The following ZBTB17 variants were observed in gnomAD, a reference collection of about 807,000 sequenced individuals.
ZBTB17 encodes the protein zinc finger and BTB domain containing 17.
In ZBTB17, 24 loss-of-function variants were observed where a neutral mutation model predicts 85.1. The observed-to-expected ratio is 0.28, with a 90% confidence interval of 0.20 to 0.40. The LOEUF is 0.40. Ranked by LOEUF, ZBTB17 falls within the 10% of genes least tolerant of loss-of-function variation. The pLI, the probability that ZBTB17 is intolerant of heterozygous loss-of-function variation, is 1.00. For missense variants in ZBTB17, 743 were observed against 1,105.1 expected, an observed-to-expected ratio of 0.67 and a Z score of 4.65; for synonymous variants, 464 against 460.2, an observed-to-expected ratio of 1.01 and a Z score of -0.11.
chr1:15,943,248 G>A, intron 12 of ZBTB17, 54 bp from the exon 13 acceptor site: 1 of 1,613,262 alleles, frequency 6.2e-7, no homozygotes, highest in Non-Finnish European at 8.5e-7. Context: ...TGGGCCTCCT[G>A]CCTCACCCTC....
rs1009970337 is a variant in ZBTB17, at chr1:15,944,267, G to T, written c.1371+33C>A. The T allele has an allele frequency of 3.2e-5, 49 of 1,548,088 alleles. No individual in the cohort carries two copies. In the Middle Eastern group the frequency reaches 6.7e-4, roughly 21 times the overall value. ...CATGCGGCTGCGGCCACCGGCGGCT[G>T]CCAGGCGCTGGTTCCGGGAGGGGTC... On this transcript the variant is annotated intron_variant, in intron 9 of 15. Transcript: ENST00000375743.
In ZBTB17 at chr1:15,943,415, C is replaced by G. The variant is rs765513421; in HGVS notation, c.1681G>C (p.Glu561Gln). 6.2e-7 allele frequency: 1 copy of G among 1,602,740 alleles called. No individual in the cohort carries two copies. The highest frequency in any genetic ancestry group is 2.2e-5 in the East Asian group (1 of 44,732). ...QHTGEKPYVC[E>Q]RCGKRFVQSS... ...GGGCAGGACCTCTTGCCGCAGCGCT[C>G]GCAGACGTAGGGCTTCTCCCCGGTG... Residue 561 changes from glutamate (E) to glutamine (Q), a missense_variant, in exon 12 of 16, where the codon GAG becomes CAG. Physicochemically the swap from Glu to Gln is conservative, Grantham distance 29. Transcript: ENST00000375743.
At chr1:15,958,366 G>T (rs1403777336) in intron 2 of ZBTB17, among the ~76,000 whole-genome samples, 1 of 145,742 alleles carries the variant, frequency 6.9e-6, no homozygotes, top group Non-Finnish European at 1.5e-5. Flanking sequence ...AAAGCCTTGG[G>T]AAGGCGGCTG....
In ZBTB17 at chr1:15,976,099, C is replaced by A; in HGVS notation, c.-206G>T. The A allele has an allele frequency of 1.5e-6, 1 of 673,662 alleles. No homozygotes were observed. Among genetic ancestry groups the A allele is most frequent in the Non-Finnish European group, 2.7e-6 (1 of 368,916 alleles). The allele number at this position is 673,662 out of a possible 1,614,324, so 41.7% of individuals were successfully genotyped here. A position where few individuals can be genotyped will look rare whatever the true frequency, so the allele number is the denominator to read the frequency against. On this transcript the variant is annotated 5_prime_UTR_variant, in exon 1 of 16. It adds an upstream start codon to the 5' untranslated region. Transcript: ENST00000375743. ...CATGTTAGAGTCGGGCGGAACCGAC[C>A]TCGCAGGCTTCCCGGCTGCAACTTC...
chr1:15,945,329 G>C, intron 6 of ZBTB17, 127 bp from the exon 7 acceptor site: 3 of 1,447,830 alleles, frequency 2.1e-6, no homozygotes. Flanking sequence ...CCCCGGGGGG[G>C]CCTGTGAACT....
At chr1:15,946,855 C>T in intron 4 of ZBTB17, 80 bp downstream of exon 4, 1 of 1,490,036 alleles carries the variant, frequency 6.7e-7, no homozygotes, top group Non-Finnish European at 9.0e-7. Context: ...GAAACTGAGA[C>T]CCAGAAAGTC....
intron 2 of ZBTB17, among the ~76,000 whole-genome samples, chr1:15,960,063 CCT>C (rs1479230511): frequency 1.3e-5 from 2 of 152,244 alleles, no homozygotes; most frequent in Non-Finnish European, 2.9e-5. Flanking sequence ...GAGGAAGCCC[CCT>C]GACACTGCGA....
intron 2 of ZBTB17, 139 bp from the exon 3 acceptor site, chr1:15,948,636 G>T: frequency 2.2e-6 from 2 of 911,704 alleles, no homozygotes; most frequent in Non-Finnish European, 1.6e-6. Flanking sequence ...CCACAAAAGG[G>T]CAGTTCAGTC....
In ZBTB17 at chr1:15,945,007, C is replaced by G; in HGVS notation, c.857G>C (p.Gly286Ala). 1 of 1,595,992 alleles carries G rather than the reference C, an allele frequency of 6.3e-7. No individual in the cohort carries two copies. Among genetic ancestry groups the G allele is most frequent in the Non-Finnish European group, 8.5e-7 (1 of 1,173,350 alleles). Residue 286 changes from glycine (G) to alanine (A), a missense_variant, in exon 7 of 16, where the codon GGC (glycine) becomes GCC (alanine). Transcript: ENST00000375743. ...SGQELGSEAR[G>A]LRSGTYGDRT... ...GTCGCCGTAGGTGCCTGAGCGCAGGCCCCGGGCCTCGGAGCCGAGCTCCTG... is the reference window on the plus strand; with the variant it reads ...GTCGCCGTAGGTGCCTGAGCGCAGGGCCCGGGCCTCGGAGCCGAGCTCCTG...
intron 1 of ZBTB17, 137 bp downstream of exon 1, chr1:15,975,846 G>A: frequency 1.0e-5 from 2 of 193,068 alleles, no homozygotes; most frequent in Non-Finnish European, 2.1e-5. Context: ...TGTCCCCTCA[G>A]CCCCGGTTGG....
Position 15,948,355 on chromosome 1 carries a change from C to T in ZBTB17, c.141G>A (p.Glu47=). The T allele has an allele frequency of 6.2e-7, 1 of 1,614,032 alleles. No homozygotes were observed. Among genetic ancestry groups the T allele is most frequent in the Non-Finnish European group, 8.5e-7 (1 of 1,180,048 alleles). ...AHKAVLAACS[E]YFKMLFVDQK... ...GGTCCACGAAGAGCATCTTGAAGTA[C>T]TCGCTGCAGGCCGCCAGCACTGCTT... The change falls in exon 3 of 16, where the codon GAG becomes GAA. Residue 47 remains glutamate (E), a synonymous_variant. Transcript: ENST00000375743.
chr1:15,968,707 T>C (rs961022557), intron 2 of ZBTB17, among the ~76,000 whole-genome samples: 4 of 152,164 alleles, frequency 2.6e-5, no homozygotes, highest in Non-Finnish European at 5.9e-5. Context: ...ATTAGAAAGC[T>C]TGGGGGAACT....
chr1:15,944,063 A>G (rs1409123760), intron 9 of ZBTB17, 168 bp from the exon 10 acceptor site: 3 of 962,368 alleles, frequency 3.1e-6, no homozygotes, highest in Non-Finnish European at 4.9e-6. Flanking sequence ...GTGAGAGGTA[A>G]GCCGCCCCAC....
chr1:15,960,497 T>C (rs773373909), intron 2 of ZBTB17, among the ~76,000 whole-genome samples: 1 of 152,144 alleles, frequency 6.6e-6, no homozygotes, highest in Non-Finnish European at 1.5e-5. Flanking sequence ...AAAAATCTCA[T>C]CAGTAATCAG....
chr1:15,944,567 C>T lies in ZBTB17; in HGVS notation c.1104G>A (p.Gly368=). ...GCAGGCTGATGAGGCGGTAGCTCTT[C>T]CCGCACTCCTCGCAGCCGTAGGGCT... ...PLKPYGCEEC[G]KSYRLISLLN... is the part of the protein sequence containing the mutation. The change falls in exon 9 of 16, where the codon GGG becomes GGA. Residue 368 remains glycine, a synonymous_variant. Coordinates refer to ENST00000375743, the MANE Select transcript of ZBTB17 (RefSeq NM_003443.3). 2 of 1,598,056 alleles carry T rather than the reference C, an allele frequency of 1.3e-6. No individual in the cohort carries two copies. The highest frequency in any genetic ancestry group is 1.7e-6 in the Non-Finnish European group (2 of 1,178,620).
rs933581448 is a variant in ZBTB17 at position 15,951,450 on chromosome 1, G to A, written c.-2-2953C>T. On this transcript the variant is annotated intron_variant, in intron 2 of 15. Transcript: ENST00000375743. The surrounding 1 kb of genome is among the most constrained non-coding windows in gnomAD (Gnocchi z 4.1). ...CAGCTCGAGGGGGCCAGGAGGGGGCGGACTAAGTGCTAAATGGTGTTACCC... is the reference window on the plus strand; with the variant it reads ...CAGCTCGAGGGGGCCAGGAGGGGGCAGACTAAGTGCTAAATGGTGTTACCC... Among the ~76,000 whole-genome samples, 13 of 152,120 alleles carry A rather than the reference G, an allele frequency of 8.5e-5. No individual in the cohort carries two copies. Among genetic ancestry groups the A allele is most frequent in the African/African-American group, 2.4e-4 (10 of 41,422 alleles).
chr1:15,941,987 A>G lies in ZBTB17; in HGVS notation c.2394T>C (p.Cys798=), dbSNP rs1570087632. ...CGCCAGCTCACTCGGCAGGCGGGGG[A>G]CATTCAGGAGCTGTAGGGGAGGTCT... The part of the protein sequence containing the change: ...LAETSPTAPE[C]PPPAE Residue 798 remains cysteine (C), a synonymous_variant, in exon 16 of 16, where the codon TGT becomes TGC. Coordinates refer to ENST00000375743, the MANE Select transcript of ZBTB17 (RefSeq NM_003443.3). The G allele has an allele frequency of 6.3e-7, 1 of 1,597,276 alleles. No individual in the cohort carries two copies. Among genetic ancestry groups the G allele is most frequent in the African/African-American group, 1.3e-5 (1 of 74,778 alleles).
In ZBTB17 at chr1:15,952,575, A is replaced by T. The variant is rs1310882380; in HGVS notation, c.-2-4078T>A. On this transcript the variant is annotated intron_variant, in intron 2 of 15. Transcript: ENST00000375743. The surrounding 1 kb of genome is among the most constrained non-coding windows in gnomAD (Gnocchi z 4.3). ...CTGTCGGAATCTGGATGGCCCAGAG[A>T]CGACTCTGACATCAGGATGCTGGGA... 6.6e-6 allele frequency among the ~76,000 whole-genome samples: 1 copy of T among 152,228 alleles called. No homozygotes were observed. Among genetic ancestry groups the T allele is most frequent in the Non-Finnish European group, 1.5e-5 (1 of 68,036 alleles).
intron 9 of ZBTB17, 183 bp downstream of exon 9, chr1:15,944,117 T>C (rs1483820933): frequency 2.7e-6 from 3 of 1,094,572 alleles, no homozygotes; most frequent in Admixed American, 4.0e-5. Flanking sequence ...CGGCCTGCCC[T>C]CCGCAGAGCA....
Sources: allele counts gnomAD v4.1 joint callset (sites outside exome capture counted in the v4.1 genomes callset), GRCh38; gene constraint gnomAD v4.1.1; non-coding constraint Gnocchi (gnomAD v3.1); transcripts MANE v1.5; gene names NCBI Gene and HGNC (gene_info 2026-07-23, HGNC 2026-07-21).